The following CHL1 variants were observed in gnomAD, a reference collection of about 807,000 sequenced individuals.
The protein encoded by CHL1 is cell adhesion molecule L1 like.
Under a neutral mutation model 141.9 loss-of-function variants are expected in CHL1, and 96 were observed. The ratio of observed to expected loss-of-function variants is 0.68; its 90% CI spans 0.57 to 0.80. The LOEUF (loss-of-function observed/expected upper bound fraction) is 0.80, where lower values mean the gene tolerates loss of function less well. Ranked by LOEUF, CHL1 falls within the 30% of genes least tolerant of loss-of-function variation. CHL1 has a pLI of 0.00. For missense variants in CHL1, 1,820 were observed against 1,457.2 expected, an observed-to-expected ratio of 1.25 and a Z score of -4.05; for synonymous variants, 613 against 502.2, an observed-to-expected ratio of 1.22 and a Z score of -2.95.
chr3:326,431 A>C (rs1701018962), intron 4 of CHL1, among the ~76,000 whole-genome samples: 1 of 151,988 alleles, frequency 6.6e-6, no homozygotes, highest in African/African-American at 2.4e-5. Context: ...TGTAAATACC[A>C]TTCTATACAT....
At chr3:314,358 T>C (rs1254174019) in intron 2 of CHL1, among the ~76,000 whole-genome samples, 1 of 127,594 alleles carries the variant, frequency 7.8e-6, no homozygotes, top group Non-Finnish European at 1.7e-5. Context: ...TATATATATA[T>C]ATATATATAT....
intron 24 of CHL1, among the ~76,000 whole-genome samples, chr3:396,365 G>C (rs2106406453): frequency 6.6e-6 from 1 of 152,272 alleles, no homozygotes; most frequent in East Asian, 1.9e-4. Context: ...TTAAGGCATG[G>C]AGTTGGTTGC....
At chr3:277,666 G>T (rs534487464) in intron 2 of CHL1, among the ~76,000 whole-genome samples, 11 of 152,246 alleles carry the variant, frequency 7.2e-5, no homozygotes, top group African/African-American at 2.6e-4. Flanking sequence ...TTTATATTGC[G>T]AATTCAAGGA....
At chr3:267,803 T>G (rs749330813) in intron 2 of CHL1, among the ~76,000 whole-genome samples, 2 of 152,220 alleles carry the variant, frequency 1.3e-5, no homozygotes, top group Non-Finnish European at 2.9e-5. Flanking sequence ...TGTGTTTTCT[T>G]AAGAAAATAG....
intron 15 of CHL1, among the ~76,000 whole-genome samples, chr3:369,789 TGAC>T (rs1705390922): frequency 6.6e-6 from 1 of 152,240 alleles, no homozygotes; most frequent in Non-Finnish European, 1.5e-5. Flanking sequence ...ACTAGTTAAT[TGAC>T]AGTTTTTAAC....
Position 290,329 on chromosome 3 carries a change from G to A in CHL1, c.-94-29354G>A, listed in dbSNP as rs568217465. Among the ~76,000 whole-genome samples, 14 of 152,198 alleles carry A rather than the reference G, an allele frequency of 9.2e-5. No homozygotes were observed. The East Asian group carries it at 2.5e-3, about 27-fold the overall frequency. On this transcript the variant is annotated intron_variant, in intron 2 of 27. Coordinates refer to ENST00000256509, the MANE Select transcript of CHL1 (RefSeq NM_006614.4). ...TTTGTGATTCTCTGCACATGTTGGG[G>A]AAAGATCACACAAATATTGTGAGTA...
In CHL1 at chr3:361,749, G is replaced by A; in HGVS notation, c.1357G>A (p.Val453Ile). ...TKDGENYATV[V>I]GYSAFLHCEF... The stretch of plus-strand genomic sequence containing the variant: ...AGATGGAGAAAATTACGCTACAGTG[G>A]TTGGGTACAGTGCTTTCTTACATTG... Residue 453 changes from valine (V) to isoleucine (I), a missense_variant, in exon 13 of 28, where the codon GTT (valine) becomes ATT (isoleucine). Coordinates refer to ENST00000256509, the MANE Select transcript of CHL1 (RefSeq NM_006614.4). The A allele has an allele frequency of 1.2e-6, 2 of 1,613,654 alleles. No homozygotes were observed. The highest frequency in any genetic ancestry group is 1.7e-6 in the Non-Finnish European group (2 of 1,179,628).
Position 259,299 on chromosome 3 carries a change from C to T in CHL1, c.-95+14607C>T, listed in dbSNP as rs899922632. Among the ~76,000 whole-genome samples, 85 of 150,078 alleles carry T rather than the reference C, an allele frequency of 5.7e-4. 1 individual carries two copies. The highest frequency in any genetic ancestry group is 2.0e-3 in the African/African-American group (79 of 40,502). On this transcript the variant is annotated intron_variant, in intron 2 of 27. Coordinates refer to ENST00000256509, the MANE Select transcript of CHL1 (RefSeq NM_006614.4). ...GTGCGTGTGTGTGCTTGTGTGTGTG[C>T]GTGCTTGTGTGTGTGTGTGCATGCG...
chr3:305,026 T>G (rs1699104389), intron 2 of CHL1, among the ~76,000 whole-genome samples: 2 of 152,160 alleles, frequency 1.3e-5, no homozygotes, highest in Non-Finnish European at 2.9e-5. Flanking sequence ...ATTTCGTTTT[T>G]GACTGTCAGG....
At chr3:318,236 T>C (rs1243712033) in intron 2 of CHL1, among the ~76,000 whole-genome samples, 1 of 151,894 alleles carries the variant, frequency 6.6e-6, no homozygotes, top group Non-Finnish European at 1.5e-5. Context: ...AATCGGTACA[T>C]ATATACAAAA....
intron 1 of CHL1, among the ~76,000 whole-genome samples, chr3:211,871 C>T (rs946358821): frequency 2.0e-5 from 3 of 152,142 alleles, no homozygotes; most frequent in Non-Finnish European, 2.9e-5. Flanking sequence ...CAGTAACTAG[C>T]TATTTAAGCA....
chr3:251,876 C>T (rs996228538), intron 2 of CHL1, among the ~76,000 whole-genome samples: 2 of 151,938 alleles, frequency 1.3e-5, no homozygotes, highest in Non-Finnish European at 2.9e-5. Flanking sequence ...GTTTAATTTC[C>T]CATTATGGTT....
chr3:317,795 A>G (rs570586642), intron 2 of CHL1, among the ~76,000 whole-genome samples: 1 of 152,032 alleles, frequency 6.6e-6, no homozygotes, highest in Admixed American at 6.6e-5. Flanking sequence ...TTTGTAGTTA[A>G]GGCAGTATTT....
chr3:321,181 G>T (rs933396999), intron 3 of CHL1, among the ~76,000 whole-genome samples: 1 of 151,916 alleles, frequency 6.6e-6, no homozygotes, highest in Non-Finnish European at 1.5e-5. Flanking sequence ...TATGCACTTT[G>T]GAAAGAACTG....
chr3:257,066 T>C (rs1483407074), intron 2 of CHL1, among the ~76,000 whole-genome samples: 2 of 152,218 alleles, frequency 1.3e-5, no homozygotes, highest in Non-Finnish European at 2.9e-5. Context: ...TGTCCACCTG[T>C]GTATCTTTAG....
chr3:359,032 CTATA>C (rs934399956), intron 11 of CHL1, among the ~76,000 whole-genome samples: 3 of 146,266 alleles, frequency 2.1e-5, no homozygotes, highest in Non-Finnish European at 4.5e-5. Flanking sequence ...ATATTTATAT[CTATA>C]TATATACTAT....
chr3:225,962 T>C (rs1701299356), intron 1 of CHL1, among the ~76,000 whole-genome samples: 1 of 151,100 alleles, frequency 6.6e-6, no homozygotes, highest in Admixed American at 6.6e-5. Flanking sequence ...TGAGCCGAGA[T>C]AGCACCAGTG....
In CHL1 at chr3:368,287, A is replaced by G. The variant is rs186601201; in HGVS notation, c.1751+2172A>G. Among the ~76,000 whole-genome samples, 73 of 152,240 alleles carry G rather than the reference A, an allele frequency of 4.8e-4. No homozygotes were observed. In the East Asian group the frequency reaches 9.7e-3, roughly 20 times the overall value. On this transcript the variant is annotated intron_variant, in intron 15 of 27. Coordinates refer to ENST00000256509, the MANE Select transcript of CHL1 (RefSeq NM_006614.4). The stretch of plus-strand genomic sequence containing the variant: ...GTTTCTTGACTTTTTAATAATTGCC[A>G]TTCTGACTGGCATGAGATGGTATCT...
At chr3:233,655 A>G (rs1423527617) in intron 1 of CHL1, among the ~76,000 whole-genome samples, 1 of 152,128 alleles carries the variant, frequency 6.6e-6, no homozygotes, top group Admixed American at 6.5e-5. Context: ...TTTTCATAAG[A>G]GCAAAATTAA....
Sources: gnomAD v4.1 joint callset for allele counts (sites outside exome capture counted in the v4.1 genomes callset) on GRCh38, gnomAD v4.1.1 for gene constraint, MANE v1.5 for transcripts, NCBI Gene and HGNC (gene_info 2026-07-23, HGNC 2026-07-21) for gene names.